Variants in NPAS3 observed in about 807,000 individuals in gnomAD.
The protein encoded by NPAS3 is neuronal PAS domain protein 3, also known as neuronal PAS domain-containing protein 3.
NPAS3 carries 14 observed loss-of-function variants against 73.1 expected under a neutral mutation model. The ratio of observed to expected loss-of-function variants is 0.19; its 90% confidence interval spans 0.13 to 0.30. NPAS3 has a LOEUF of 0.30. Ranked by LOEUF, NPAS3 falls within the 10% of genes least tolerant of loss-of-function variation. The pLI is 1.00. For missense variants in NPAS3, 1,096 were observed against 1,250.0 expected (o/e 0.88, Z 1.86); for synonymous variants, 620 against 541.5 (o/e 1.14, Z -2.01).
chr14:33,086,054 C>T (rs1462367781), intron 2 of NPAS3, among the ~76,000 whole-genome samples: 2 of 152,134 alleles, frequency 1.3e-5, no homozygotes, highest in African/African-American at 2.4e-5. Flanking sequence ...GGTTATTATA[C>T]TTTCTCTTCT....
chr14:33,077,984 G>A (rs1393913772), intron 2 of NPAS3, among the ~76,000 whole-genome samples: 4 of 151,180 alleles, frequency 2.6e-5, no homozygotes, highest in Admixed American at 6.6e-5. Flanking sequence ...CTAAAAATAC[G>A]AAAAATTAGT....
chr14:33,496,858 G>C (rs759941298), intron 4 of NPAS3, among the ~76,000 whole-genome samples: 22 of 152,078 alleles, frequency 1.4e-4, no homozygotes, highest in Non-Finnish European at 2.8e-4. Flanking sequence ...AGGGCAGTCA[G>C]GCAAGAGAAA....
intron 4 of NPAS3, among the ~76,000 whole-genome samples, chr14:33,434,209 T>C (rs1010424084): frequency 2.7e-5 from 4 of 150,154 alleles, no homozygotes; most frequent in African/African-American, 9.8e-5. Flanking sequence ...AATAAATAAA[T>C]AAACAAACAA....
At chr14:33,508,891 C>T (rs1233053018) in intron 4 of NPAS3, among the ~76,000 whole-genome samples, 1 of 151,980 alleles carries the variant, frequency 6.6e-6, no homozygotes, top group East Asian at 1.9e-4. Context: ...GAGCCTTCAT[C>T]CCCTGACAGG....
chr14:33,338,509 T>C (rs2044329561), intron 3 of NPAS3, among the ~76,000 whole-genome samples: 1 of 152,196 alleles, frequency 6.6e-6, no homozygotes, highest in Non-Finnish European at 1.5e-5. Flanking sequence ...TCTTTTCTTT[T>C]TCCAAGGAAG....
chr14:33,758,733 C>T (rs1439987965), intron 7 of NPAS3, among the ~76,000 whole-genome samples: 1 of 152,070 alleles, frequency 6.6e-6, no homozygotes, highest in African/African-American at 2.4e-5. Context: ...CAAGGTTTTT[C>T]TTATTCCTTA....
At chr14:33,577,203 G>A (rs61972980) in intron 5 of NPAS3, among the ~76,000 whole-genome samples, 8 of 152,202 alleles carry the variant, frequency 5.3e-5, no homozygotes, top group South Asian at 2.1e-4. Context: ...GCAATTCCTC[G>A]AGGATAAAGA....
At chr14:33,501,511 G>C (rs1241802655) in intron 4 of NPAS3, among the ~76,000 whole-genome samples, 2 of 151,868 alleles carry the variant, frequency 1.3e-5, no homozygotes, top group South Asian at 4.2e-4. Context: ...ACACAACAAA[G>C]TAACATGTTG....
At chr14:33,009,089 A>G (rs771376413) in intron 1 of NPAS3, among the ~76,000 whole-genome samples, 41 of 152,290 alleles carry the variant, frequency 2.7e-4, no homozygotes, top group Non-Finnish European at 4.9e-4. Flanking sequence ...AATCTTGTTT[A>G]TAGGTGGAGA....
chr14:33,396,702 T>C (rs2047237491), intron 4 of NPAS3, among the ~76,000 whole-genome samples: 1 of 152,196 alleles, frequency 6.6e-6, no homozygotes, highest in South Asian at 2.1e-4. Context: ...TTGGAATTTT[T>C]ATGTTGCTTA....
chr14:33,367,557 T>A (rs2045898949), intron 4 of NPAS3, among the ~76,000 whole-genome samples: 1 of 151,632 alleles, frequency 6.6e-6, no homozygotes, highest in African/African-American at 2.4e-5. Flanking sequence ...GTTCCCAGAA[T>A]GGTTGTGTGC....
chr14:33,717,862 T>C (rs1364229452), intron 6 of NPAS3, among the ~76,000 whole-genome samples: 1 of 152,174 alleles, frequency 6.6e-6, no homozygotes, highest in Non-Finnish European at 1.5e-5. Context: ...TCACCTGGCA[T>C]TAATCCTAAT....
chr14:33,011,872 G>A (rs1305589840), intron 1 of NPAS3, among the ~76,000 whole-genome samples: 5 of 152,168 alleles, frequency 3.3e-5, no homozygotes, highest in Non-Finnish European at 5.9e-5. Context: ...TGGCAGACAT[G>A]AATAAAAAAT....
At chr14:33,182,538 A>C (rs992973562) in intron 2 of NPAS3, among the ~76,000 whole-genome samples, 1 of 152,224 alleles carries the variant, frequency 6.6e-6, no homozygotes, top group Non-Finnish European at 1.5e-5. Flanking sequence ...GTATTACTTG[A>C]TAATAATTAC....
At chr14:33,163,030 A>G (rs1298589089) in intron 2 of NPAS3, among the ~76,000 whole-genome samples, 1 of 152,172 alleles carries the variant, frequency 6.6e-6, no homozygotes, top group Non-Finnish European at 1.5e-5. Flanking sequence ...TCTTAACATC[A>G]TGACAACCTG....
intron 6 of NPAS3, among the ~76,000 whole-genome samples, chr14:33,689,950 C>G (rs1595446046): frequency 6.6e-6 from 1 of 152,104 alleles, no homozygotes; most frequent in East Asian, 1.9e-4. Context: ...AGCTTCTAGC[C>G]CGGCCTATTA....
intron 4 of NPAS3, among the ~76,000 whole-genome samples, chr14:33,480,826 C>A (rs565809792): frequency 6.6e-6 from 1 of 151,904 alleles, no homozygotes; most frequent in African/African-American, 2.4e-5. Flanking sequence ...CAGTTCATTT[C>A]TCTGCATTGA....
chr14:33,378,648 T>A (rs1352389118), intron 4 of NPAS3, among the ~76,000 whole-genome samples: 2 of 151,868 alleles, frequency 1.3e-5, no homozygotes, highest in African/African-American at 2.4e-5. Flanking sequence ...AAAAAATAAA[T>A]AAAATAAAAA....
chr14:33,140,579 C>T (rs981891616), intron 2 of NPAS3, among the ~76,000 whole-genome samples: 1 of 152,222 alleles, frequency 6.6e-6, no homozygotes, highest in Admixed American at 6.5e-5. Flanking sequence ...TTTATTAAAT[C>T]ATGCATGCTT....
Sources: gnomAD v4.1 joint callset for allele counts (sites outside exome capture counted in the v4.1 genomes callset) on GRCh38, gnomAD v4.1.1 for gene constraint, MANE v1.5 for transcripts, NCBI Gene and HGNC (gene_info 2026-07-23, HGNC 2026-07-21) for gene names.